NBEA: variants seen among roughly 807,000 people sequenced by gnomAD.
The protein encoded by NBEA is lysosomal-trafficking regulator 2.
Under a neutral mutation model 343.4 loss-of-function variants are expected in NBEA, and 44 were observed. The observed-to-expected ratio is 0.13, with a 90% confidence interval of 0.10 to 0.16. The LOEUF (loss-of-function observed/expected upper bound fraction) is 0.16. NBEA is among the 10% of genes least tolerant of loss of function. The probability of loss-of-function intolerance (pLI) is 1.00; values close to 1 mark genes in which losing one functional copy is unlikely to be tolerated. For missense variants in NBEA, 2,555 were observed against 3,631.3 expected (o/e 0.70, Z 7.62); for synonymous variants, 1,175 against 1,238.7 (o/e 0.95, Z 1.08).
At chr13:35,662,253 G>A (rs376274487) in intron 55 of NBEA, among the ~76,000 whole-genome samples, 11 of 152,306 alleles carry the variant, frequency 7.2e-5, no homozygotes, top group African/African-American at 1.9e-4. Context: ...AAAATTGGAC[G>A]TGTTTGTTCT....
At chr13:35,354,158 A>G (rs2040361014) in intron 38 of NBEA, among the ~76,000 whole-genome samples, 2 of 152,214 alleles carry the variant, frequency 1.3e-5, no homozygotes, top group South Asian at 2.1e-4. Context: ...TGACCAAACA[A>G]CTGGGCATTA....
intron 1 of NBEA, among the ~76,000 whole-genome samples, chr13:34,999,418 G>A (rs1388675416): frequency 6.6e-6 from 1 of 151,946 alleles, no homozygotes; most frequent in Non-Finnish European, 1.5e-5. Context: ...AAATCTAAGT[G>A]CTTTTTGTTC....
intron 48 of NBEA, among the ~76,000 whole-genome samples, chr13:35,622,447 G>A (rs549223154): frequency 2.0e-5 from 3 of 152,278 alleles, no homozygotes; most frequent in Non-Finnish European, 2.9e-5. Flanking sequence ...GAAGTATGTT[G>A]TAGTAACCCA....
chr13:35,253,727 T>C (rs1312112420), intron 34 of NBEA, among the ~76,000 whole-genome samples: 1 of 152,206 alleles, frequency 6.6e-6, no homozygotes, highest in African/African-American at 2.4e-5. Context: ...GAGAGTTGAT[T>C]GGTTTCAGCA....
At chr13:35,620,438 G>A (rs1375290972) in intron 48 of NBEA, among the ~76,000 whole-genome samples, 1 of 152,136 alleles carries the variant, frequency 6.6e-6, no homozygotes, top group Non-Finnish European at 1.5e-5. Context: ...CCTTATGGCA[G>A]GGATGTGGTT....
chr13:35,181,839 A>G (rs2071342096), intron 28 of NBEA, among the ~76,000 whole-genome samples: 1 of 151,658 alleles, frequency 6.6e-6, no homozygotes, highest in Admixed American at 6.6e-5. Flanking sequence ...GCTCATATTG[A>G]GCTTATGTAA....
chr13:35,421,021 TA>T (rs1370217499), intron 38 of NBEA, among the ~76,000 whole-genome samples: 2 of 152,046 alleles, frequency 1.3e-5, no homozygotes, highest in East Asian at 1.9e-4. Flanking sequence ...TCTGCTTTTT[TA>T]TTGTTTCCTT....
chr13:35,557,961 A>C (rs2153019389), intron 44 of NBEA, among the ~76,000 whole-genome samples: 1 of 152,294 alleles, frequency 6.6e-6, no homozygotes, highest in Non-Finnish European at 1.5e-5. Context: ...CTTAGAGAAG[A>C]GCCAGATTAT....
At position 34,943,093 on chromosome 13, in the gene NBEA, C is replaced by T; in HGVS notation, c.273C>T (p.Ile91=). ...IQVGEVSNRD[I]VETVLNLLVG... ...TCGGAGAGGTCAGCAACAGGGACAT[C>T]GTGGAGACGGTGCTCAACCTGGTAA... Residue 91 remains isoleucine, a synonymous_variant, in exon 1 of 59, where the codon ATC becomes ATT. Transcript: ENST00000379939. 1 of 1,613,630 alleles carries T rather than the reference C, an allele frequency of 6.2e-7. No homozygotes were observed. The highest frequency in any genetic ancestry group is 8.5e-7 in the Non-Finnish European group (1 of 1,179,740).
At chr13:35,478,786 G>A (rs920411295) in intron 41 of NBEA, among the ~76,000 whole-genome samples, 5 of 152,218 alleles carry the variant, frequency 3.3e-5, no homozygotes, top group Non-Finnish European at 7.3e-5. Context: ...AGAGATGCTT[G>A]CCCCAAGACC....
chr13:35,583,476 A>AAG (rs2081149941), intron 45 of NBEA, among the ~76,000 whole-genome samples: 1 of 152,206 alleles, frequency 6.6e-6, no homozygotes, highest in African/African-American at 2.4e-5. Context: ...ACTGGCTGTT[A>AAG]AGACAAGGTT....
chr13:35,442,075 A>T (rs2045768982), intron 39 of NBEA, among the ~76,000 whole-genome samples: 1 of 152,068 alleles, frequency 6.6e-6, no homozygotes, highest in Non-Finnish European at 1.5e-5. Context: ...TTTCAGAAAA[A>T]CATATGCTCA....
intron 34 of NBEA, among the ~76,000 whole-genome samples, chr13:35,263,898 A>C (rs986185030): frequency 1.3e-5 from 2 of 151,986 alleles, no homozygotes; most frequent in Admixed American, 6.6e-5. Flanking sequence ...CAAAGGTAGT[A>C]GTAGCAGGAA....
At chr13:35,046,361 G>A (rs551812693) in intron 4 of NBEA, among the ~76,000 whole-genome samples, 23 of 152,184 alleles carry the variant, frequency 1.5e-4, no homozygotes, top group Admixed American at 4.6e-4. Context: ...CTGTCTACTC[G>A]TTTTCTGTAT....
intron 41 of NBEA, among the ~76,000 whole-genome samples, chr13:35,546,911 T>C (rs1187926588): frequency 6.6e-6 from 1 of 152,058 alleles, no homozygotes; most frequent in Non-Finnish European, 1.5e-5. Context: ...ATAAAGAAAT[T>C]GTAGGATCAT....
intron 33 of NBEA, among the ~76,000 whole-genome samples, chr13:35,214,668 G>T (rs1336927737): frequency 6.6e-6 from 1 of 151,408 alleles, no homozygotes; most frequent in African/African-American, 2.4e-5. Flanking sequence ...TCTTAAAATT[G>T]TTAATAACAA....
intron 39 of NBEA, among the ~76,000 whole-genome samples, chr13:35,432,608 T>C (rs1274587444): frequency 6.6e-6 from 1 of 152,122 alleles, no homozygotes; most frequent in Admixed American, 6.6e-5. Context: ...CTTCAACTTA[T>C]TTTTAAGAGC....
rs2152710858 is a variant in NBEA at position 35,159,420 on chromosome 13, T to G, written c.3249T>G (p.Gly1083=). Residue 1083 remains glycine, a synonymous_variant, in exon 22 of 59, where the codon GGT becomes GGG. Coordinates refer to ENST00000379939, the MANE Select transcript of NBEA (RefSeq NM_001385012.1). ...DMDLSPETLV[G]GENGALVEVE... Reference sequence around the variant, plus strand: ...ATTTATCACCGGAGACTTTAGTAGGTGGAGAGAATGGTGCCCTTGTGGAGG... The same window carrying G: ...ATTTATCACCGGAGACTTTAGTAGGGGGAGAGAATGGTGCCCTTGTGGAGG... 1 of 1,613,356 alleles carries G rather than the reference T, an allele frequency of 6.2e-7. No homozygotes were observed. Among genetic ancestry groups the G allele is most frequent in the South Asian group, 1.1e-5 (1 of 91,052 alleles).
intron 1 of NBEA, among the ~76,000 whole-genome samples, chr13:34,986,028 T>C (rs1399252681): frequency 6.6e-6 from 1 of 150,858 alleles, no homozygotes; most frequent in Non-Finnish European, 1.5e-5. Context: ...TTTGTGTCTC[T>C]ATCTCTTTCA....
Sources: gnomAD v4.1 joint callset for allele counts (sites outside exome capture counted in the v4.1 genomes callset) on GRCh38, gnomAD v4.1.1 for gene constraint, MANE v1.5 for transcripts, NCBI Gene and HGNC (gene_info 2026-07-23, HGNC 2026-07-21) for gene names.